RBFOX1: variants seen among roughly 807,000 people sequenced by gnomAD.
RBFOX1 encodes the protein RNA binding fox-1 homolog 1, also known as RNA binding protein fox-1 homolog 1.
In RBFOX1, 8 loss-of-function variants were observed where a neutral mutation model predicts 57.7. The observed-to-expected ratio is 0.14, with a 90% confidence interval of 0.08 to 0.25. RBFOX1 has a LOEUF of 0.25. Ranked by LOEUF, RBFOX1 falls within the 10% of genes least tolerant of loss-of-function variation. RBFOX1 has a pLI of 1.00. For missense variants in RBFOX1, 611 were observed against 548.5 expected, an observed-to-expected ratio of 1.11 and a Z score of -1.14; for synonymous variants, 326 against 222.4, an observed-to-expected ratio of 1.47 and a Z score of -4.15.
intron 2 of RBFOX1, among the ~76,000 whole-genome samples, chr16:6,378,926 A>G (rs995074514): frequency 5.9e-5 from 9 of 152,152 alleles, no homozygotes; most frequent in African/African-American, 2.2e-4. Context: ...AATTGGTAGC[A>G]CTGATCTTGT....
chr16:7,005,019 C>T (rs914309567), intron 3 of RBFOX1, among the ~76,000 whole-genome samples: 7 of 152,162 alleles, frequency 4.6e-5, no homozygotes, highest in Admixed American at 2.6e-4. Flanking sequence ...TGGTGCGTGC[C>T]TGTTATCCCA....
At chr16:6,825,703 A>C (rs1351876461) in intron 3 of RBFOX1, among the ~76,000 whole-genome samples, 1 of 152,156 alleles carries the variant, frequency 6.6e-6, no homozygotes, top group Non-Finnish European at 1.5e-5. Context: ...ACCTAGTAGC[A>C]GATGAAGAGG....
intron 4 of RBFOX1, among the ~76,000 whole-genome samples, chr16:7,217,112 C>G (rs527373809): frequency 9.6e-5 from 14 of 145,334 alleles, no homozygotes; most frequent in South Asian, 4.6e-4. Context: ...CTTCCCTTTC[C>G]TTTCCTTTCT....
intron 2 of RBFOX1, among the ~76,000 whole-genome samples, chr16:6,489,473 G>A (rs2095581061): frequency 6.6e-6 from 1 of 152,134 alleles, no homozygotes; most frequent in Admixed American, 6.6e-5. Context: ...ATCCAGAGAA[G>A]TTGAGTAATC....
At chr16:6,485,815 C>A (rs2095467924) in intron 2 of RBFOX1, among the ~76,000 whole-genome samples, 1 of 152,098 alleles carries the variant, frequency 6.6e-6, no homozygotes, top group East Asian at 1.9e-4. Flanking sequence ...AAATCTTATC[C>A]TTCAAACTTC....
intron 4 of RBFOX1, among the ~76,000 whole-genome samples, chr16:5,911,033 A>G (rs1352021674): frequency 6.6e-6 from 1 of 152,174 alleles, no homozygotes; most frequent in African/African-American, 2.4e-5. Flanking sequence ...ATCTGTAATC[A>G]TACCCCAAAT....
At chr16:6,236,492 C>T (rs962854466) in intron 1 of RBFOX1, among the ~76,000 whole-genome samples, 2 of 151,356 alleles carry the variant, frequency 1.3e-5, no homozygotes, top group African/African-American at 4.9e-5. Flanking sequence ...TGGAGTGCAG[C>T]AGCGCCATCT....
At chr16:5,309,990 C>G (rs1313553545) in intron 1 of RBFOX1, among the ~76,000 whole-genome samples, 1 of 152,212 alleles carries the variant, frequency 6.6e-6, no homozygotes, top group South Asian at 2.1e-4. Flanking sequence ...TGTGAACTGA[C>G]AGGGAGCCTG....
At chr16:5,498,000 A>T (rs1001124789) in intron 2 of RBFOX1, among the ~76,000 whole-genome samples, 3 of 152,134 alleles carry the variant, frequency 2.0e-5, no homozygotes, top group African/African-American at 7.2e-5. Context: ...CAAAGGCTGG[A>T]AGATGGGGAA....
At chr16:7,699,630 C>G (rs546302688) in intron 14 of RBFOX1, among the ~76,000 whole-genome samples, 1 of 152,214 alleles carries the variant, frequency 6.6e-6, no homozygotes, top group South Asian at 2.1e-4. Flanking sequence ...TGCTGGATTT[C>G]CAAAACTTAG....
At chr16:7,407,225 C>T (rs2098358850) in intron 4 of RBFOX1, among the ~76,000 whole-genome samples, 1 of 152,172 alleles carries the variant, frequency 6.6e-6, no homozygotes, top group East Asian at 1.9e-4. Context: ...CTCCCTCTTG[C>T]CAGGTAAAGT....
chr16:5,709,127 C>G (rs1005822199), intron 3 of RBFOX1, among the ~76,000 whole-genome samples: 1 of 152,162 alleles, frequency 6.6e-6, no homozygotes, highest in African/African-American at 2.4e-5. Flanking sequence ...CTGTCTCTTG[C>G]AATCCAAAAA....
chr16:6,509,724 A>G (rs561196788), intron 2 of RBFOX1, among the ~76,000 whole-genome samples: 1 of 152,346 alleles, frequency 6.6e-6, no homozygotes, highest in African/African-American at 2.4e-5. Flanking sequence ...TTAAATGCTT[A>G]AGGAGATGGA....
chr16:7,657,973 C>G (rs1191139772), intron 12 of RBFOX1, among the ~76,000 whole-genome samples: 1 of 152,108 alleles, frequency 6.6e-6, no homozygotes, highest in African/African-American at 2.4e-5. Flanking sequence ...AATATTCTAC[C>G]CATACTGGCT....
At chr16:6,437,945 G>A (rs915548854) in intron 2 of RBFOX1, among the ~76,000 whole-genome samples, 7 of 152,094 alleles carry the variant, frequency 4.6e-5, no homozygotes, top group African/African-American at 1.7e-4. Context: ...AACCATATCA[G>A]CATGCCAATG....
In RBFOX1 at chr16:6,746,963, C is replaced by T. The variant is rs1446923113; in HGVS notation, c.-16+92313C>T. ...CTCACTTGGGCTCAAACTAAAATCT[C>T]ATCTCTCCTGTGGAGCTATACTACT... On this transcript the variant is annotated intron_variant, in intron 3 of 15. Coordinates refer to ENST00000550418, the MANE Select transcript of RBFOX1 (RefSeq NM_018723.4). Among the ~76,000 whole-genome samples the T allele has an allele frequency of 8.5e-5, 13 of 152,238 alleles. No individual in the cohort carries two copies. The South Asian group carries it at 2.3e-3, about 27-fold the overall frequency.
chr16:7,592,059 G>T (rs1191285552), intron 7 of RBFOX1, among the ~76,000 whole-genome samples: 1 of 152,032 alleles, frequency 6.6e-6, no homozygotes, highest in Admixed American at 6.5e-5. Flanking sequence ...GTCTGGGTGG[G>T]AGGTAGAATT....
chr16:7,611,955 T>C (rs1301054996), intron 10 of RBFOX1, among the ~76,000 whole-genome samples: 1 of 152,120 alleles, frequency 6.6e-6, no homozygotes, highest in African/African-American at 2.4e-5. Flanking sequence ...TGGGTAGTTT[T>C]CTATAAAGCA....
At chr16:7,034,943 G>A (rs985043459) in intron 3 of RBFOX1, among the ~76,000 whole-genome samples, 1 of 141,876 alleles carries the variant, frequency 7.0e-6, no homozygotes, top group African/African-American at 2.7e-5. Context: ...CTGCCTCCCC[G>A]GTTCTATCGA....
Sources: gnomAD v4.1 joint callset for allele counts (sites outside exome capture counted in the v4.1 genomes callset) on GRCh38, gnomAD v4.1.1 for gene constraint, MANE v1.5 for transcripts, NCBI Gene and HGNC (gene_info 2026-07-23, HGNC 2026-07-21) for gene names.